The following PCDH7 variants were observed in gnomAD, a reference collection of about 807,000 sequenced individuals.
The protein encoded by PCDH7 is protocadherin-7.
In PCDH7, 17 loss-of-function variants were observed where a neutral mutation model predicts 58.9. The observed-to-expected ratio is 0.29, with a 90% CI of 0.20 to 0.43. PCDH7 has a LOEUF of 0.43. PCDH7 is among the 20% of genes least tolerant of loss of function. The pLI is 1.00. For missense variants in PCDH7, 1,274 were observed against 1,441.0 expected (o/e 0.88, Z 1.88); for synonymous variants, 664 against 616.4 (o/e 1.08, Z -1.14).
chr4:31,045,401 T>C (rs978456748), intron 3 of PCDH7, among the ~76,000 whole-genome samples: 2 of 152,014 alleles, frequency 1.3e-5, no homozygotes, highest in African/African-American at 4.8e-5. Flanking sequence ...AGGGACAATA[T>C]GAAGAGCCAG....
At chr4:30,889,255 C>T (rs148063926) in intron 1 of PCDH7, among the ~76,000 whole-genome samples, 184 of 150,872 alleles carry the variant, frequency 1.2e-3, no homozygotes, top group African/African-American at 4.2e-3. Context: ...GCATTTATGA[C>T]GTAGTTTGAA....
chr4:31,061,226 C>T (rs753355388), intron 3 of PCDH7, among the ~76,000 whole-genome samples: 1 of 151,528 alleles, frequency 6.6e-6, no homozygotes, highest in Non-Finnish European at 1.5e-5. Context: ...TTGCACTGTT[C>T]CCTGGATTGA....
Position 31,061,203 on chromosome 4 carries a change from T to C in PCDH7, c.*8-81270T>C, listed in dbSNP as rs115227429. On this transcript the variant is annotated intron_variant, in intron 3 of 3. Coordinates refer to the PCDH7 transcript ENST00000509759. ...TGTCAGTGTTTTACTTACAAGTCTG[T>C]GGTTTGTATCATTTGCACTGTTCCC... Among the ~76,000 whole-genome samples the C allele has an allele frequency of 3.4e-3, 515 of 151,848 alleles. 5 individuals carry two copies. The highest frequency in any genetic ancestry group is 0.012 in the African/African-American group (496 of 41,526).
intron 1 of PCDH7, chr4:30,725,353 G>T: frequency 1.1e-6 from 1 of 905,214 alleles, no homozygotes. Flanking sequence ...GCCAAGTAAT[G>T]AAAATATTCA....
intron 1 of PCDH7, chr4:30,730,720 T>TA (rs759943864): frequency 8.6e-6 from 13 of 1,515,642 alleles, no homozygotes; most frequent in Non-Finnish European, 1.1e-5. Context: ...GATTTTTTTT[T>TA]ACCTGCATAA....
intron 3 of PCDH7, among the ~76,000 whole-genome samples, chr4:31,131,440 A>C (rs1193013277): frequency 3.3e-5 from 5 of 152,050 alleles, no homozygotes; most frequent in Non-Finnish European, 5.9e-5. Context: ...TTTTGCTCCT[A>C]ATTGTGATTG....
At chr4:31,023,591 A>G (rs1329007595) in intron 3 of PCDH7, among the ~76,000 whole-genome samples, 1 of 152,192 alleles carries the variant, frequency 6.6e-6, no homozygotes, top group African/African-American at 2.4e-5. Context: ...TGCAGGTAAG[A>G]AACTAAAACA....
chr4:31,003,595 T>A (rs1049264930), intron 3 of PCDH7, among the ~76,000 whole-genome samples: 1 of 152,036 alleles, frequency 6.6e-6, no homozygotes, highest in African/African-American at 2.4e-5. Context: ...CTTTGACCAC[T>A]ATGTCGGCGC....
At chr4:30,898,639 G>A (rs1321523274) in intron 1 of PCDH7, among the ~76,000 whole-genome samples, 1 of 152,166 alleles carries the variant, frequency 6.6e-6, no homozygotes, top group African/African-American at 2.4e-5. Context: ...CGCCCAGGCT[G>A]GAGTGCAGTG....
At chr4:30,888,297 C>T (rs544542543) in intron 1 of PCDH7, among the ~76,000 whole-genome samples, 1 of 152,248 alleles carries the variant, frequency 6.6e-6, no homozygotes, top group African/African-American at 2.4e-5. Flanking sequence ...CACATACACA[C>T]ACACACAGAA....
intron 3 of PCDH7, among the ~76,000 whole-genome samples, chr4:31,119,884 G>C (rs1717449669): frequency 6.6e-6 from 1 of 151,898 alleles, no homozygotes; most frequent in Non-Finnish European, 1.5e-5. Flanking sequence ...CTTAGTGCGT[G>C]TGTGTGGGCC....
chr4:31,061,821 T>C (rs974050035), intron 3 of PCDH7, among the ~76,000 whole-genome samples: 19 of 151,884 alleles, frequency 1.3e-4, no homozygotes, highest in Middle Eastern at 3.4e-3. Context: ...GAGCTGACCT[T>C]TGCTTTAAAT....
At position 30,723,578 on chromosome 4, in the gene PCDH7, A is replaced by T. The variant is rs1560298722; in HGVS notation, c.2156A>T (p.Asp719Val). The change falls in exon 1 of 2, where the codon GAT becomes GTT. Residue 719 changes from aspartate (D) to valine (V), a missense_variant. Asp to Val is a radical substitution (Grantham distance 152, BLOSUM62 -3). This residue lies in a region of PCDH7 where 731 missense variants were observed against 881.9 expected (regional missense o/e 0.83). Transcript: ENST00000361762. The surrounding 1 kb of genome is among the most constrained non-coding windows in gnomAD (Gnocchi z 4.6). The stretch of plus-strand genomic sequence containing the variant: ...AGAGTCAAGGCTGTGGATGGGGGAG[A>T]TCCTCCCAGATCTGCCACAGCTACA... 1 of 1,614,118 alleles carries T rather than the reference A, an allele frequency of 6.2e-7. No individual in the cohort carries two copies. The highest frequency in any genetic ancestry group is 1.1e-5 in the South Asian group (1 of 91,080).
At chr4:31,026,634 C>A (rs1474591348) in intron 3 of PCDH7, among the ~76,000 whole-genome samples, 1 of 152,152 alleles carries the variant, frequency 6.6e-6, no homozygotes, top group Non-Finnish European at 1.5e-5. Context: ...TTCTTTGGGA[C>A]AAAACATTCT....
chr4:30,748,402 C>T (rs539884978), intron 1 of PCDH7, among the ~76,000 whole-genome samples: 48 of 152,068 alleles, frequency 3.2e-4, no homozygotes, highest in Non-Finnish European at 5.0e-4. Context: ...TTCTGGTGGC[C>T]GAGAAGTCCA....
At chr4:30,904,961 C>A (rs1442981277) in intron 1 of PCDH7, among the ~76,000 whole-genome samples, 1 of 152,094 alleles carries the variant, frequency 6.6e-6, no homozygotes, top group Non-Finnish European at 1.5e-5. Flanking sequence ...AGGACACAAA[C>A]CTTCATTCCA....
At chr4:31,024,879 A>G (rs1754302240) in intron 3 of PCDH7, among the ~76,000 whole-genome samples, 1 of 152,056 alleles carries the variant, frequency 6.6e-6, no homozygotes, top group Non-Finnish European at 1.5e-5. Context: ...AGTATCTGGG[A>G]CTACAGGCAC....
intron 1 of PCDH7, among the ~76,000 whole-genome samples, chr4:30,775,645 C>T (rs182215282): frequency 7.2e-5 from 11 of 152,186 alleles, no homozygotes; most frequent in East Asian, 1.9e-4. Flanking sequence ...TGGTGGCTTA[C>T]GCTTGTAATC....
Position 30,965,485 on chromosome 4 carries a change from TA to T in PCDH7, c.*7+15271del, listed in dbSNP as rs1449074873. 3.3e-5 allele frequency among the ~76,000 whole-genome samples: 5 copies of T among 152,162 alleles called. No individual in the cohort carries two copies. The East Asian group carries it at 9.7e-4, about 30-fold the overall frequency. The stretch of plus-strand genomic sequence containing the variant: ...GTTAAATTTGTTTGACTAGAGTATT[TA>T]TCAAGCCTCCACTTTTTCTTCAAGC... On this transcript the variant is annotated intron_variant, in intron 3 of 3. Transcript: ENST00000509759.
Sources: allele counts gnomAD v4.1 joint callset (sites outside exome capture counted in the v4.1 genomes callset), GRCh38; gene constraint gnomAD v4.1.1; regional missense constraint gnomAD v4.1.1; non-coding constraint Gnocchi (gnomAD v3.1); transcripts MANE v1.5; gene names NCBI Gene and HGNC (gene_info 2026-07-23, HGNC 2026-07-21).